Variants in HMCN2 observed in about 807,000 individuals in gnomAD.
HMCN2 encodes the protein hemicentin 2, also known as hemicentin-2.
In HMCN2, 325 loss-of-function variants were observed where a neutral mutation model predicts 377.5. The ratio of observed to expected loss-of-function variants is 0.86; its 90% CI spans 0.79 to 0.94. The LOEUF (loss-of-function observed/expected upper bound fraction) is 0.94. HMCN2 is among the 40% of genes least tolerant of loss of function. HMCN2 has a pLI of 0.00. For synonymous variants in HMCN2, 2,007 were observed against 2,046.8 expected (o/e 0.98, Z 0.53); for missense variants, 4,543 against 4,725.3 (o/e 0.96, Z 1.13).
At chr9:130,376,495 C>G (rs1263794057) in intron 51 of HMCN2, 21 bp from the exon 52 acceptor site, 4 of 985,070 alleles carry the variant, frequency 4.1e-6, no homozygotes, top group Non-Finnish European at 1.2e-6. Context: ...GCTCTGCTCT[C>G]AGACCCCTCG....
chr9:130,376,427 A>G, intron 51 of HMCN2, 89 bp from the exon 52 acceptor site: 2 of 300,102 alleles, frequency 6.7e-6, no homozygotes, highest in Non-Finnish European at 9.9e-6. Context: ...GCCGGCCCCC[A>G]TTTCTGAGGC....
At chr9:130,301,118 C>T (rs1836481640) in intron 8 of HMCN2, among the ~76,000 whole-genome samples, 1 of 152,216 alleles carries the variant, frequency 6.6e-6, no homozygotes. Flanking sequence ...GCCTACAGTG[C>T]CCATGGTTGG....
intron 19 of HMCN2, among the ~76,000 whole-genome samples, chr9:130,324,975 A>G (rs1838048379): frequency 1.6e-5 from 2 of 123,616 alleles, no homozygotes; most frequent in Non-Finnish European, 3.9e-5. Flanking sequence ...CCATCACTGC[A>G]ATATCACCTG....
At chr9:130,346,735 G>A (rs967640300) in intron 25 of HMCN2, among the ~76,000 whole-genome samples, 27 of 152,270 alleles carry the variant, frequency 1.8e-4, no homozygotes, top group African/African-American at 3.1e-4. Flanking sequence ...GGCCCTCGTC[G>A]GGTGGGGGAC....
chr9:130,322,784 G>C (rs1454339312), intron 19 of HMCN2, among the ~76,000 whole-genome samples: 7 of 152,256 alleles, frequency 4.6e-5, no homozygotes, highest in African/African-American at 1.7e-4. Flanking sequence ...ACAGCACTGG[G>C]TTCTTTTATT....
chr9:130,314,158 C>T (rs36145165), intron 15 of HMCN2, among the ~76,000 whole-genome samples: 40,261 of 151,934 alleles, frequency 0.26, 5,613 homozygotes, highest in Non-Finnish European at 0.32. Flanking sequence ...TCCTGGTTGC[C>T]GGGGGCCGAG....
At chr9:130,370,838 G>T in intron 45 of HMCN2, 126 bp from the exon 46 acceptor site, 1 of 486,230 alleles carries the variant, frequency 2.1e-6, no homozygotes, top group Non-Finnish European at 2.7e-6. Context: ...CTCTGCTCTC[G>T]TCACTTCTGC....
chr9:130,373,943 G>A lies in HMCN2; in HGVS notation c.7439-559G>A, dbSNP rs191795399. Among the ~76,000 whole-genome samples the A allele has an allele frequency of 2.6e-5, 4 of 151,884 alleles. No homozygotes were observed. The East Asian group carries it at 7.8e-4, about 30-fold the overall frequency. ...AAATTTGTGGCTGAATAAAAGGATA[G>A]GTGGGTAGGTAGATGGTTGGATGGT... On this transcript the variant is annotated intron_variant, in intron 48 of 97. Transcript: ENST00000683500.
chr9:130,294,999 C>A lies in HMCN2; in HGVS notation c.757C>A (p.Pro253Thr), dbSNP rs1554931489. ...CACCATCTCATTGAGTGGGCCAGGGCCTGAGATTGAAGTCCAAGATCCGCT... is the reference window on the plus strand; with the variant it reads ...CACCATCTCATTGAGTGGGCCAGGGACTGAGATTGAAGTCCAAGATCCGCT... ...EVTISLSGPGPEIEVQDPLGR... is the reference protein window; with the variant it reads ...EVTISLSGPGTEIEVQDPLGR... Residue 253 changes from proline (P) to threonine (T), a missense_variant, in exon 5 of 98, where the codon CCT becomes ACT. By Grantham distance (38) the Pro-to-Thr change is conservative. Around this residue, in one of 5 missense-constraint regions of HMCN2, gnomAD observed 547 missense variants for 189.9 expected, o/e 2.88. Transcript: ENST00000683500. 2.1e-6 allele frequency: 1 copy of A among 470,402 alleles called. No individual in the cohort carries two copies. The highest frequency in any genetic ancestry group is 1.6e-5 in the South Asian group (1 of 64,384). The allele number at this position is 470,402 out of a possible 1,614,324, so 29.1% of individuals were successfully genotyped here.
rs566886223 is a variant in HMCN2 at position 130,279,406 on chromosome 9, G to A, written c.260-5197G>A. ...CTCGCTCTATCACCCAGGCTGGAGT[G>A]CGGTGTCACAGTCTCGGCTTCCTGC... On this transcript the variant is annotated intron_variant, in intron 1 of 97. Transcript: ENST00000683500. Among the ~76,000 whole-genome samples, 8 of 151,954 alleles carry A rather than the reference G, an allele frequency of 5.3e-5. No individual in the cohort carries two copies. The East Asian group carries it at 1.6e-3, about 30-fold the overall frequency.
intron 29 of HMCN2, among the ~76,000 whole-genome samples, chr9:130,349,948 A>T (rs866945867): frequency 7.4e-6 from 1 of 135,312 alleles, no homozygotes; most frequent in Admixed American, 7.5e-5. Context: ...CTCAGGTTAG[A>T]GTGCAGTGGA....
chr9:130,374,371 C>G (rs1477439545), intron 48 of HMCN2, 131 bp from the exon 49 acceptor site: 9 of 298,206 alleles, frequency 3.0e-5, no homozygotes, highest in Non-Finnish European at 4.5e-5. Context: ...GCTGCTTCTT[C>G]TTGTGCTTCA....
chr9:130,433,338 C>T lies in HMCN2; in HGVS notation c.14895-10C>T. On this transcript the variant is annotated splice_polypyrimidine_tract_variant and intron_variant, in intron 97 of 97. Transcript: ENST00000683500. ...GAGTCCGCCTGTCCGTGTGTCTGTGCCGCCCGCAGGACGTGCTTCCGGCGC... is the reference window on the plus strand; with the variant it reads ...GAGTCCGCCTGTCCGTGTGTCTGTGTCGCCCGCAGGACGTGCTTCCGGCGC... The T allele has an allele frequency of 2.1e-6, 3 of 1,434,764 alleles. No homozygotes were observed. The highest frequency in any genetic ancestry group is 2.7e-6 in the Non-Finnish European group (3 of 1,102,090). 88.9% of individuals were successfully genotyped at this position (1,434,764 alleles called of 1,614,324 possible).
chr9:130,430,148 C>T (rs914067433), intron 94 of HMCN2, 136 bp from the exon 95 acceptor site: 26 of 731,534 alleles, frequency 3.6e-5, no homozygotes, highest in Admixed American at 2.8e-4. Context: ...GGGGATGCAG[C>T]GTGGCTCACA....
At chr9:130,297,987 C>A (rs1374239623) in intron 7 of HMCN2, among the ~76,000 whole-genome samples, 3 of 152,164 alleles carry the variant, frequency 2.0e-5, no homozygotes, top group African/African-American at 7.2e-5. Context: ...TGGAGTCTCA[C>A]TCTGTCACCC....
intron 49 of HMCN2, among the ~76,000 whole-genome samples, chr9:130,375,085 A>T (rs1287576116): frequency 6.6e-6 from 1 of 152,216 alleles, no homozygotes. Flanking sequence ...GCATCTATCA[A>T]ATGAGAGGGG....
At chr9:130,302,201 C>T (rs1836554266) in intron 8 of HMCN2, among the ~76,000 whole-genome samples, 1 of 152,104 alleles carries the variant, frequency 6.6e-6, no homozygotes, top group South Asian at 2.1e-4. Context: ...GAACGCGACA[C>T]CACGCCCAGC....
chr9:130,431,063 G>T (rs1042741167), intron 95 of HMCN2: 4 of 505,230 alleles, frequency 7.9e-6, no homozygotes, highest in Non-Finnish European at 1.1e-5. Flanking sequence ...GGACAAAGAG[G>T]AGGTGGCCTG....
chr9:130,336,687 G>A (rs1441782580), intron 22 of HMCN2, among the ~76,000 whole-genome samples: 3 of 152,206 alleles, frequency 2.0e-5, no homozygotes. Flanking sequence ...CGGGACAAAA[G>A]GATGGAGGGG....
Sources: allele counts gnomAD v4.1 joint callset (sites outside exome capture counted in the v4.1 genomes callset), GRCh38; gene constraint gnomAD v4.1.1; regional missense constraint gnomAD v4.1.1; transcripts MANE v1.5; gene names NCBI Gene and HGNC (gene_info 2026-07-23, HGNC 2026-07-21).